Variants in CARMIL3 observed in about 807,000 individuals in gnomAD.
CARMIL3 encodes capping protein, Arp2/3 and myosin-I linker protein 3.
In CARMIL3, 88 loss-of-function variants were observed where a neutral mutation model predicts 180.8. That is an observed-to-expected ratio of 0.49 (90% CI 0.41 to 0.58). The LOEUF (loss-of-function observed/expected upper bound fraction) is 0.58. Among genes scored for constraint, CARMIL3 ranks in the 20% least tolerant of loss-of-function variants. The pLI is 0.00. For missense variants in CARMIL3, 1,548 were observed against 1,787.0 expected, an observed-to-expected ratio of 0.87 and a Z score of 2.41; for synonymous variants, 696 against 714.5, an observed-to-expected ratio of 0.97 and a Z score of 0.41.
rs1228589342 is a variant in CARMIL3, at chr14:24,061,087, A to G, written c.2304+47A>G. The G allele has an allele frequency of 2.0e-6, 3 of 1,499,142 alleles. No individual in the cohort carries two copies. Among genetic ancestry groups the G allele is most frequent in the South Asian group, 2.4e-5 (2 of 82,694 alleles). The allele number at this position is 1,499,142 out of a possible 1,614,324, so 92.9% of individuals were successfully genotyped here. On this transcript the variant is annotated intron_variant, in intron 26 of 39. Transcript: ENST00000342740. This position sits in a 1 kb window ranked among gnomAD's most constrained non-coding sequence, Gnocchi z 4.1. ...AATCCATGGTGGGAACCTAGTGTTG[A>G]CTGAGGCCCTAAGCCCAGAGCTAAA...
chr14:24,054,468 C>G lies in CARMIL3; in HGVS notation c.319C>G (p.Arg107Gly). ...AGCTGAAAGTGTGGACCAGGTGACACGACATGTGAGCTCTGCCCTGTCCAA... is the reference window on the plus strand; with the variant it reads ...AGCTGAAAGTGTGGACCAGGTGACAGGACATGTGAGCTCTGCCCTGTCCAA... ...PSAESVDQVT[R>G]HVSSALSKVC... is the part of the protein sequence containing the mutation. The change falls in exon 5 of 40, where the codon CGA (arginine) becomes GGA (glycine). Residue 107 changes from arginine to glycine, a missense_variant. By Grantham distance (125) the Arg-to-Gly change is moderately radical. Transcript: ENST00000342740. This position sits in a 1 kb window ranked among gnomAD's most constrained non-coding sequence, Gnocchi z 5.1. 1 of 1,614,110 alleles carries G rather than the reference C, an allele frequency of 6.2e-7. No homozygotes were observed. Among genetic ancestry groups the G allele is most frequent in the Non-Finnish European group, 8.5e-7 (1 of 1,180,030 alleles).
At chr14:24,057,278 T>G in intron 14 of CARMIL3, 34 bp downstream of exon 14, 1 of 1,603,326 alleles carries the variant, frequency 6.2e-7, no homozygotes, top group Non-Finnish European at 8.5e-7. Context: ...CAGTCTGAGG[T>G]GATTTGGGGA....
intron 1 of CARMIL3, among the ~76,000 whole-genome samples, chr14:24,052,439 G>A (rs537312404): frequency 1.3e-5 from 2 of 152,292 alleles, no homozygotes; most frequent in African/African-American, 4.8e-5. Flanking sequence ...TCGGTGACAG[G>A]TGCAGTTCCC....
chr14:24,058,958 T>C lies in CARMIL3; in HGVS notation c.1543T>C (p.Leu515=). The C allele has an allele frequency of 6.2e-7, 1 of 1,614,222 alleles. No homozygotes were observed. The highest frequency in any genetic ancestry group is 8.5e-7 in the Non-Finnish European group (1 of 1,180,036). The change falls in exon 19 of 40, where the codon TTG becomes CTG. Residue 515 remains leucine (L), a synonymous_variant. Transcript: ENST00000342740. The surrounding 1 kb of genome is among the most constrained non-coding windows in gnomAD (Gnocchi z 6.4). ...GKNKSLKHLF[L]GKNFNVKAKT... ...GAACAAGTCCCTCAAGCACCTGTTT[T>C]TGGGCAAGAACTTCAATGTCAAGGC...
At chr14:24,057,375 T>TC in intron 14 of CARMIL3, 131 bp downstream of exon 14, 1 of 789,904 alleles carries the variant, frequency 1.3e-6, no homozygotes, top group Non-Finnish European at 2.1e-6. Context: ...TCAGCTGAAG[T>TC]ATAAAGCAAT....
chr14:24,056,700 C>T lies in CARMIL3; in HGVS notation c.944C>T (p.Ser315Phe). 6.2e-7 allele frequency: 1 copy of T among 1,613,092 alleles called. No individual in the cohort carries two copies. The highest frequency in any genetic ancestry group is 8.5e-7 in the Non-Finnish European group (1 of 1,179,998). ...CTGTGCCTGGCCAAGACTGCCATTT[C>T]CCCTCGAGGTACTCGCACCAAGGAC... ...TKLCLAKTAISPRGLQALGQT... is the reference protein window; with the variant it reads ...TKLCLAKTAIFPRGLQALGQT... The change falls in exon 12 of 40, where the codon TCC becomes TTC. Residue 315 changes from serine (S) to phenylalanine (F), a missense_variant. Around this residue, in one of 4 missense-constraint regions of CARMIL3, gnomAD observed 578 missense variants for 666.5 expected, o/e 0.87. Coordinates refer to ENST00000342740, the MANE Select transcript of CARMIL3 (RefSeq NM_138360.4).
At position 24,054,322 on chromosome 14, in the gene CARMIL3, C is replaced by T. The variant is rs1174042067; in HGVS notation, c.246+21C>T. Reference sequence around the variant, plus strand: ...ATCAGGTGAGTACCAGGGCTTTGGGCCCCACTACTGGGCCAGCTGGAGGAG... The same window carrying T: ...ATCAGGTGAGTACCAGGGCTTTGGGTCCCACTACTGGGCCAGCTGGAGGAG... On this transcript the variant is annotated intron_variant, in intron 4 of 39. Coordinates refer to ENST00000342740, the MANE Select transcript of CARMIL3 (RefSeq NM_138360.4). This position sits in a 1 kb window ranked among gnomAD's most constrained non-coding sequence, Gnocchi z 5.1. 5.6e-6 allele frequency: 9 copies of T among 1,614,076 alleles called. No homozygotes were observed. Among genetic ancestry groups the T allele is most frequent in the Non-Finnish European group, 7.6e-6 (9 of 1,179,978 alleles).
In CARMIL3 at chr14:24,052,036, T is replaced by TCGGCCGCTGCTG. The variant is rs1380243973; in HGVS notation, c.-116_-105dup. On this transcript the variant is annotated 5_prime_UTR_variant, in exon 1 of 40. Transcript: ENST00000342740. ...GCAGCCGCCCCTGACCGGAGCGGGC[T>TCGGCCGCTGCTG]CGGCCGCTGCTGCAGCGCTCAGCGC... The TCGGCCGCTGCTG allele has an allele frequency of 9.8e-7, 1 of 1,019,976 alleles. No homozygotes were observed. Among genetic ancestry groups the TCGGCCGCTGCTG allele is most frequent in the Non-Finnish European group, 1.3e-6 (1 of 760,072 alleles). 63.2% of individuals were successfully genotyped at this position (1,019,976 alleles called of 1,614,324 possible).
intron 35 of CARMIL3, 44 bp from the exon 36 acceptor site, chr14:24,066,522 CT>C: frequency 6.2e-7 from 1 of 1,612,454 alleles, no homozygotes; most frequent in Non-Finnish European, 8.5e-7. Context: ...TCAAATTTAC[CT>C]TTTCCCTTTC....
chr14:24,057,227 G>A lies in CARMIL3; in HGVS notation c.1123G>A (p.Asp375Asn), dbSNP rs756787229. ...ALVHLDLSGT[D>N]CVIDLLLGAL... is the part of the protein sequence containing the mutation. Reference sequence around the variant, plus strand: ...GGTGCACCTGGACCTGTCAGGAACTGACTGCGTCATCGACTTGGTGAGGAG... The same window carrying A: ...GGTGCACCTGGACCTGTCAGGAACTAACTGCGTCATCGACTTGGTGAGGAG... Residue 375 changes from aspartate (D) to asparagine (N), a missense_variant, in exon 14 of 40, where the codon GAC (aspartate) becomes AAC (asparagine). This residue lies in a region of CARMIL3 where 578 missense variants were observed against 666.5 expected (regional missense o/e 0.87). Transcript: ENST00000342740. 6.2e-7 allele frequency: 1 copy of A among 1,613,962 alleles called. No homozygotes were observed. Among genetic ancestry groups the A allele is most frequent in the East Asian group, 2.2e-5 (1 of 44,888 alleles).
chr14:24,064,954 C>A lies in CARMIL3; in HGVS notation c.3081-4C>A. 7 of 1,609,322 alleles carry A rather than the reference C, an allele frequency of 4.3e-6. No individual in the cohort carries two copies. The highest frequency in any genetic ancestry group is 5.9e-6 in the Non-Finnish European group (7 of 1,178,666). On this transcript the variant is annotated splice_polypyrimidine_tract_variant and splice_region_variant and intron_variant, in intron 32 of 39. Transcript: ENST00000342740. The stretch of plus-strand genomic sequence containing the variant: ...TGTTGCTAACTTACCCCGATTCTCC[C>A]CAGCTACCCCCGGACTCTGAGGACC...
chr14:24,065,442 A>G, intron 33 of CARMIL3, 169 bp downstream of exon 33: 1 of 1,072,084 alleles, frequency 9.3e-7, no homozygotes. Context: ...CCAGTGGCCA[A>G]GAGCATGCTG....
intron 12 of CARMIL3, 41 bp from the exon 13 acceptor site, chr14:24,056,874 G>A (rs2035676863): frequency 6.3e-7 from 1 of 1,587,576 alleles, no homozygotes; most frequent in African/African-American, 1.3e-5. Flanking sequence ...GGGAAGAGGT[G>A]GGGCTAGGGG....
chr14:24,057,682 C>A, intron 14 of CARMIL3, 121 bp from the exon 15 acceptor site: 1 of 835,012 alleles, frequency 1.2e-6, no homozygotes, highest in Non-Finnish European at 1.9e-6. Flanking sequence ...GTGGAGCTCA[C>A]ACAGGCTGAC....
Position 24,059,640 on chromosome 14 carries a change from A to G in CARMIL3, c.1800-24A>G, listed in dbSNP as rs2035711512. 6.2e-7 allele frequency: 1 copy of G among 1,613,422 alleles called. No individual in the cohort carries two copies. The highest frequency in any genetic ancestry group is 2.2e-5 in the East Asian group (1 of 44,860). Reference sequence around the variant, plus strand: ...TAGGGACCCAGGAGGAGAGGTGCCAAACTGGTGCTTACCCTCCCCCCAGAA... The same window carrying G: ...TAGGGACCCAGGAGGAGAGGTGCCAGACTGGTGCTTACCCTCCCCCCAGAA... On this transcript the variant is annotated intron_variant, in intron 21 of 39. Transcript: ENST00000342740. This position sits in a 1 kb window ranked among gnomAD's most constrained non-coding sequence, Gnocchi z 6.3.
Position 24,063,508 on chromosome 14 carries a change from C to A in CARMIL3, c.2954C>A (p.Thr985Lys). 6.2e-7 allele frequency: 1 copy of A among 1,612,952 alleles called. No homozygotes were observed. Among genetic ancestry groups the A allele is most frequent in the South Asian group, 1.1e-5 (1 of 91,038 alleles). The change falls in exon 31 of 40, where the codon ACA becomes AAA. Residue 985 changes from threonine (T) to lysine (K), a missense_variant. Physicochemically the swap from Thr to Lys is moderately conservative, Grantham distance 78. Around this residue, in one of 4 missense-constraint regions of CARMIL3, gnomAD observed 668 missense variants for 687.8 expected, o/e 0.97. Coordinates refer to ENST00000342740, the MANE Select transcript of CARMIL3 (RefSeq NM_138360.4). ...TQGRPRPPRT[T>K]PPGPGRPSMP... ...GGGAGGCCCCGCCCCCCCAGGACCA[C>A]ACCTCCAGGACCTGGTCGACCCAGT...
chr14:24,059,886 G>A lies in CARMIL3; in HGVS notation c.1869-84G>A. On this transcript the variant is annotated intron_variant, in intron 22 of 39. Transcript: ENST00000342740. This position sits in a 1 kb window ranked among gnomAD's most constrained non-coding sequence, Gnocchi z 6.3. ...GAAGACAGAAATGATGAGCAAGGGG[G>A]CTGGAGGGCTGCTCACCAACAGAGG... 6.5e-7 allele frequency: 1 copy of A among 1,539,634 alleles called. No homozygotes were observed. The highest frequency in any genetic ancestry group is 9.0e-7 in the Non-Finnish European group (1 of 1,114,412).
chr14:24,058,621 TA>T lies in CARMIL3; in HGVS notation c.1393-56del. Reference sequence around the variant, plus strand: ...GGTGTGACTACTATATCCTAAGCATTAAAGGTGCCCTACCCCCACCCCAACC... The same window carrying T: ...GGTGTGACTACTATATCCTAAGCATTAAGGTGCCCTACCCCCACCCCAACC... On this transcript the variant is annotated intron_variant, in intron 17 of 39. Transcript: ENST00000342740. This position sits in a 1 kb window ranked among gnomAD's most constrained non-coding sequence, Gnocchi z 6.4. The T allele has an allele frequency of 7.0e-7, 1 of 1,437,122 alleles. No individual in the cohort carries two copies. The allele number at this position is 1,437,122 out of a possible 1,614,324, so 89.0% of individuals were successfully genotyped here. A position where few individuals can be genotyped will look rare whatever the true frequency, so the allele number is the denominator to read the frequency against.
Position 24,069,527 on chromosome 14 carries a change from C to T in CARMIL3, c.*123C>T, listed in dbSNP as rs2035841488. ...TCCTACAGGGGCAAGACGGCAGGAC[C>T]AGGCATGGGGGAGCTGGAGGCAGGG... On this transcript the variant is annotated 3_prime_UTR_variant, in exon 40 of 40. Coordinates refer to ENST00000342740, the MANE Select transcript of CARMIL3 (RefSeq NM_138360.4). 3 of 1,307,400 alleles carry T rather than the reference C, an allele frequency of 2.3e-6. No individual in the cohort carries two copies. The highest frequency in any genetic ancestry group is 2.2e-4 in the Middle Eastern group (1 of 4,502). 81.0% of individuals were successfully genotyped at this position (1,307,400 alleles called of 1,614,324 possible). A position where few individuals can be genotyped will look rare whatever the true frequency, so the allele number is the denominator to read the frequency against.
Sources: gnomAD v4.1 joint callset for allele counts (sites outside exome capture counted in the v4.1 genomes callset) on GRCh38, gnomAD v4.1.1 for gene constraint, gnomAD v4.1.1 regional missense constraint, Gnocchi (gnomAD v3.1) non-coding constraint, MANE v1.5 for transcripts, NCBI Gene and HGNC (gene_info 2026-07-23, HGNC 2026-07-21) for gene names.